MINPP1: variants seen among roughly 807,000 people sequenced by gnomAD.
MINPP1 encodes multiple inositol polyphosphate phosphatase 1.
Under a neutral mutation model 46.1 loss-of-function variants are expected in MINPP1, and 28 were observed. The ratio of observed to expected loss-of-function variants is 0.61; its 90% CI spans 0.45 to 0.83. The LOEUF (loss-of-function observed/expected upper bound fraction) is 0.83, where lower values mean the gene tolerates loss of function less well. Ranked by LOEUF, MINPP1 falls within the 40% of genes least tolerant of loss-of-function variation. The pLI is 0.00. For synonymous variants in MINPP1, 268 were observed against 249.1 expected, an observed-to-expected ratio of 1.08 and a Z score of -0.72; for missense variants, 603 against 610.0, an observed-to-expected ratio of 0.99 and a Z score of 0.12.
In MINPP1 at chr10:87,505,012, C is replaced by T. The variant is rs752950928; in HGVS notation, c.97C>T (p.Leu33=). The T allele has an allele frequency of 7.4e-6, 12 of 1,612,898 alleles. No homozygotes were observed. In the Admixed American group the frequency reaches 1.5e-4, roughly 20 times the overall value. The change falls in exon 1 of 5, where the codon CTA becomes TTA. Residue 33 remains leucine (L), a synonymous_variant. Transcript: ENST00000371996. The surrounding 1 kb of genome is among the most constrained non-coding windows in gnomAD (Gnocchi z 4.4). The stretch of plus-strand genomic sequence containing the variant: ...CTCGTCGCTTGCGCGCTGCTCTCTT[C>T]TAGAGCCGAGGGACCCGGTGGCCTC... ...LLSSLARCSL[L]EPRDPVASSL...
chr10:87,540,522 C>CTT (rs1851800702), intron 4 of MINPP1, among the ~76,000 whole-genome samples: 1 of 152,034 alleles, frequency 6.6e-6, no homozygotes, highest in East Asian at 1.9e-4. Context: ...CACACACACA[C>CTT]ACACTTTCTT....
rs545233389 is a variant in MINPP1 at position 87,504,941 on chromosome 10, T to C, written c.26T>C (p.Leu9Pro). 47 of 1,611,446 alleles carry C rather than the reference T, an allele frequency of 2.9e-5. 1 individual carries two copies. The South Asian group carries it at 4.3e-4, about 15-fold the overall frequency. The part of the protein sequence containing the change: MLRAPGCL[L>P]RTSVAPAAAL... ...ATGCTACGCGCGCCCGGCTGCCTCC[T>C]CCGGACCTCCGTAGCGCCTGCCGCG... Residue 9 changes from leucine (L) to proline (P), a missense_variant, in exon 1 of 5, where the codon CTC becomes CCC. Transcript: ENST00000371996.
intron 4 of MINPP1, among the ~76,000 whole-genome samples, chr10:87,526,091 AAATGGTATTTC>A (rs1851572498): frequency 1.3e-5 from 2 of 152,198 alleles, no homozygotes; most frequent in Non-Finnish European, 2.9e-5. Flanking sequence ...TGGCTGGGTG[AAATGGTATTTC>A]TAGTTCTAGA....
intron 4 of MINPP1, among the ~76,000 whole-genome samples, chr10:87,548,758 T>A (rs1398711374): frequency 2.0e-5 from 3 of 152,160 alleles, no homozygotes; most frequent in Non-Finnish European, 2.9e-5. Context: ...CTACTTTTTT[T>A]AAACTATTAC....
intron 4 of MINPP1, 95 bp downstream of exon 4, chr10:87,521,264 G>A: frequency 2.0e-6 from 2 of 1,022,464 alleles, no homozygotes; most frequent in South Asian, 2.9e-5. Context: ...AATAGTTTTT[G>A]CTTGTGTTTT....
intron 1 of MINPP1, chr10:87,508,116 T>G: frequency 6.6e-7 from 1 of 1,523,068 alleles, no homozygotes; most frequent in Non-Finnish European, 8.8e-7. Context: ...ATCTTCAATC[T>G]CTATTTCTTT....
At chr10:87,539,275 C>A (rs1250251917) in intron 4 of MINPP1, among the ~76,000 whole-genome samples, 1 of 152,220 alleles carries the variant, frequency 6.6e-6, no homozygotes. Context: ...AAATATGTAT[C>A]TTTTCAAGTG....
chr10:87,524,470 TATC>T (rs1851547132), intron 4 of MINPP1, among the ~76,000 whole-genome samples: 1 of 152,242 alleles, frequency 6.6e-6, no homozygotes, highest in Non-Finnish European at 1.5e-5. Context: ...TCCACTTTCT[TATC>T]ATCCATGTGT....
At chr10:87,518,172 G>T (rs1355958466) in intron 3 of MINPP1, among the ~76,000 whole-genome samples, 1 of 150,570 alleles carries the variant, frequency 6.6e-6, no homozygotes, top group African/African-American at 2.4e-5. Flanking sequence ...TGTTAGCCAG[G>T]ATGGTCTCGA....
chr10:87,536,376 G>A (rs74150502), intron 4 of MINPP1, among the ~76,000 whole-genome samples: 1 of 152,052 alleles, frequency 6.6e-6, no homozygotes, highest in Non-Finnish European at 1.5e-5. Context: ...CAGCATATCA[G>A]CTCTTAGTAA....
intron 3 of MINPP1, among the ~76,000 whole-genome samples, chr10:87,517,509 G>A (rs189723342): frequency 1.3e-5 from 2 of 152,208 alleles, no homozygotes; most frequent in East Asian, 3.9e-4. Context: ...TAAATCATGT[G>A]TATGTAAATT....
At chr10:87,534,574 T>C (rs1291428561) in intron 4 of MINPP1, among the ~76,000 whole-genome samples, 2 of 152,192 alleles carry the variant, frequency 1.3e-5, no homozygotes, top group East Asian at 3.8e-4. Flanking sequence ...TTGTATCCAG[T>C]TTTGTAAGAA....
intron 4 of MINPP1, among the ~76,000 whole-genome samples, chr10:87,539,190 A>G (rs886798089): frequency 6.6e-6 from 1 of 152,200 alleles, no homozygotes; most frequent in Admixed American, 6.5e-5. Flanking sequence ...GATTCTGTAT[A>G]TTTCTATCCA....
At chr10:87,513,799 G>A (rs1589370781) in intron 3 of MINPP1, among the ~76,000 whole-genome samples, 1 of 152,056 alleles carries the variant, frequency 6.6e-6, no homozygotes, top group Admixed American at 6.6e-5. Flanking sequence ...AACAATATAA[G>A]TTTATTATCT....
chr10:87,518,751 C>G (rs1464074018), intron 3 of MINPP1, among the ~76,000 whole-genome samples: 1 of 152,172 alleles, frequency 6.6e-6, no homozygotes, highest in Non-Finnish European at 1.5e-5. Context: ...TGTAGCAGCT[C>G]ACAGAACTCA....
rs1295874942 is a variant in MINPP1, at chr10:87,552,931, C to T, written c.*453C>T. ...AGGACAGCTCTAGCATTTTCTTAATCAGGAATATTGTGGTAAGCTGGGAGT... is the reference window on the plus strand; with the variant it reads ...AGGACAGCTCTAGCATTTTCTTAATTAGGAATATTGTGGTAAGCTGGGAGT... On this transcript the variant is annotated 3_prime_UTR_variant, in exon 5 of 5. Coordinates refer to ENST00000371996, the MANE Select transcript of MINPP1 (RefSeq NM_004897.5). The T allele has an allele frequency of 6.3e-6, 1 of 158,372 alleles. No individual in the cohort carries two copies. 9.8% of individuals were successfully genotyped at this position (158,372 alleles called of 1,614,324 possible). A position where few individuals can be genotyped will look rare whatever the true frequency, so the allele number is the denominator to read the frequency against.
chr10:87,532,274 A>G (rs1233539020), intron 4 of MINPP1, among the ~76,000 whole-genome samples: 3 of 152,216 alleles, frequency 2.0e-5, no homozygotes, highest in Non-Finnish European at 4.4e-5. Context: ...TGAAAGGAAA[A>G]TTCATTCAAC....
At chr10:87,525,661 A>G (rs1353665761) in intron 4 of MINPP1, among the ~76,000 whole-genome samples, 1 of 152,042 alleles carries the variant, frequency 6.6e-6, no homozygotes, top group Non-Finnish European at 1.5e-5. Flanking sequence ...CTCGTCATTT[A>G]CGTTAGGTAT....
intron 4 of MINPP1, among the ~76,000 whole-genome samples, chr10:87,532,663 A>G (rs1468446355): frequency 2.0e-5 from 3 of 152,268 alleles, no homozygotes; most frequent in Non-Finnish European, 2.9e-5. Context: ...GGAAAGGAGA[A>G]TAAAGTACGG....
Sources: allele counts gnomAD v4.1 joint callset (sites outside exome capture counted in the v4.1 genomes callset), GRCh38; gene constraint gnomAD v4.1.1; non-coding constraint Gnocchi (gnomAD v3.1); transcripts MANE v1.5; gene names NCBI Gene and HGNC (gene_info 2026-07-23, HGNC 2026-07-21).